EPM2A: variants seen among roughly 807,000 people sequenced by gnomAD.
EPM2A encodes the protein EPM2A glucan phosphatase, laforin, also known as laforin.
Under a neutral mutation model 26.5 loss-of-function variants are expected in EPM2A, and 21 were observed. That is an observed-to-expected ratio of 0.79 (90% CI 0.56 to 1.14). EPM2A has a LOEUF of 1.14. Among genes scored for constraint, EPM2A ranks in the 50% most tolerant of loss-of-function variants. The pLI, the probability that EPM2A is intolerant of heterozygous loss-of-function variation, is 0.00. For missense variants in EPM2A, 458 were observed against 440.8 expected, an observed-to-expected ratio of 1.04 and a Z score of -0.35; for synonymous variants, 217 against 177.6, an observed-to-expected ratio of 1.22 and a Z score of -1.76.
chr6:145,673,718 G>C (rs754841190), intron 2 of EPM2A, among the ~76,000 whole-genome samples: 2 of 152,148 alleles, frequency 1.3e-5, no homozygotes, highest in Admixed American at 1.3e-4. Flanking sequence ...CAGCCTGGTG[G>C]GGGGAGGGGA....
chr6:145,524,085 TC>T (rs1461344470), intron 2 of EPM2A, among the ~76,000 whole-genome samples: 1 of 152,230 alleles, frequency 6.6e-6, no homozygotes, highest in East Asian at 1.9e-4. Flanking sequence ...GATAATGGCC[TC>T]CAGCTACACC....
At chr6:145,598,120 T>C (rs1781372441) in intron 2 of EPM2A, among the ~76,000 whole-genome samples, 1 of 152,114 alleles carries the variant, frequency 6.6e-6, no homozygotes, top group Non-Finnish European at 1.5e-5. Flanking sequence ...CATGGTAGTT[T>C]TGTTTTTAGC....
At chr6:145,622,071 T>C (rs977327696), downstream of EPM2A, among the ~76,000 whole-genome samples, 4 of 152,210 alleles carry the variant, frequency 2.6e-5, no homozygotes, top group African/African-American at 9.6e-5. Context: ...TTCTACTGTT[T>C]CAGGACTCAT....
chr6:145,432,816 T>C (rs538568832), intron 4 of EPM2A, among the ~76,000 whole-genome samples: 2 of 152,320 alleles, frequency 1.3e-5, no homozygotes, highest in African/African-American at 4.8e-5. Flanking sequence ...TTGTTTAGTA[T>C]AGCCATGTTC....
chr6:145,567,969 C>T (rs1455842169), intron 2 of EPM2A, among the ~76,000 whole-genome samples: 1 of 152,198 alleles, frequency 6.6e-6, no homozygotes, highest in African/African-American at 2.4e-5. Context: ...TTGTTGCATA[C>T]TGTCCAGCCA....
intron 2 of EPM2A, 46 bp downstream of exon 2, chr6:145,686,076 A>G: frequency 6.5e-7 from 1 of 1,534,542 alleles, no homozygotes; most frequent in Non-Finnish European, 9.0e-7. Context: ...TGCTAATGCT[A>G]TCTCTTGTCC....
At chr6:145,516,779 C>A (rs1780133300) in intron 2 of EPM2A, among the ~76,000 whole-genome samples, 1 of 152,136 alleles carries the variant, frequency 6.6e-6, no homozygotes, top group African/African-American at 2.4e-5. Flanking sequence ...CAATGGAAAA[C>A]CATATGGCAT....
At chr6:145,574,183 TAATTCA>T (rs918587110) in intron 2 of EPM2A, among the ~76,000 whole-genome samples, 1 of 152,160 alleles carries the variant, frequency 6.6e-6, no homozygotes, top group Non-Finnish European at 1.5e-5. Context: ...TCTGATTTTA[TAATTCA>T]AATTACTCTC....
At chr6:145,463,922 T>C (rs1266255379) in intron 4 of EPM2A, among the ~76,000 whole-genome samples, 1 of 152,104 alleles carries the variant, frequency 6.6e-6, no homozygotes, top group Non-Finnish European at 1.5e-5. Context: ...AATCCCCACC[T>C]GGCAGGGGAA....
chr6:145,497,474 C>T (rs994556656), downstream of EPM2A, among the ~76,000 whole-genome samples: 10 of 152,164 alleles, frequency 6.6e-5, no homozygotes, highest in South Asian at 2.1e-4. Context: ...TGCAGGAGGT[C>T]GCTGGAGACC....
At chr6:145,496,728 A>ATTTTTTTTTTTT (rs1554244200), downstream of EPM2A, among the ~76,000 whole-genome samples, 7 of 106,908 alleles carry the variant, frequency 6.5e-5, no homozygotes, top group Non-Finnish European at 7.9e-5. Flanking sequence ...AGTTCCTGCA[A>ATTTTTTTTTTTT]TTTTTTTTTT....
intron 4 of EPM2A, among the ~76,000 whole-genome samples, chr6:145,468,587 G>T (rs1779430259): frequency 6.6e-6 from 1 of 151,958 alleles, no homozygotes; most frequent in Admixed American, 6.6e-5. Context: ...ATATGCAGAA[G>T]AATAAAACTA....
In EPM2A at chr6:145,626,385, T is replaced by G. The variant is rs763107324; in HGVS notation, c.*1031A>C. 3 of 986,048 alleles carry G rather than the reference T, an allele frequency of 3.0e-6. No homozygotes were observed. Among genetic ancestry groups the G allele is most frequent in the Non-Finnish European group, 2.4e-6 (2 of 830,062 alleles). The allele number at this position is 986,048 out of a possible 1,614,324, so 61.1% of individuals were successfully genotyped here. On this transcript the variant is annotated 3_prime_UTR_variant, in exon 4 of 4. Coordinates refer to ENST00000367519, the MANE Select transcript of EPM2A (RefSeq NM_005670.4). ...ATGGATTTGGTCATTTGGGCTCTTT[T>G]GGTAGTATAGTTCCTCTCATGAATT...
chr6:145,730,659 A>C (rs1776438360), intron 1 of EPM2A, among the ~76,000 whole-genome samples: 1 of 152,242 alleles, frequency 6.6e-6, no homozygotes, highest in African/African-American at 2.4e-5. Flanking sequence ...GTTTGGTTAC[A>C]TGAATTGATT....
At chr6:145,551,778 G>T in intron 2 of EPM2A, among the ~76,000 whole-genome samples, 1 of 151,132 alleles carries the variant, frequency 6.6e-6, no homozygotes, top group East Asian at 1.9e-4. Context: ...AAATCCAAAG[G>T]ATTCACACGA....
At chr6:145,683,915 T>C (rs1047745923) in intron 2 of EPM2A, among the ~76,000 whole-genome samples, 7 of 151,986 alleles carry the variant, frequency 4.6e-5, no homozygotes, top group African/African-American at 4.8e-5. Flanking sequence ...GAACAACTAA[T>C]AATCATGTTA....
chr6:145,482,865 C>CTTT (rs10668205), intron 4 of EPM2A, among the ~76,000 whole-genome samples: 5,945 of 147,462 alleles, frequency 0.04, 183 homozygotes, highest in African/African-American at 0.079. Context: ...TATAGCTATT[C>CTTT]TTTTTTTTTT....
intron 2 of EPM2A, among the ~76,000 whole-genome samples, chr6:145,530,138 A>G (rs1780333918): frequency 6.6e-6 from 1 of 152,170 alleles, no homozygotes; most frequent in African/African-American, 2.4e-5. Context: ...GCAGAGCTAC[A>G]GTAGCTGAGG....
At chr6:145,436,695 C>T (rs1778993649) in intron 4 of EPM2A, among the ~76,000 whole-genome samples, 1 of 152,076 alleles carries the variant, frequency 6.6e-6, no homozygotes, top group Non-Finnish European at 1.5e-5. Context: ...GTTATCTTCA[C>T]TTGTTCAATT....
Sources: gnomAD v4.1 joint callset for allele counts (sites outside exome capture counted in the v4.1 genomes callset) on GRCh38, gnomAD v4.1.1 for gene constraint, MANE v1.5 for transcripts, NCBI Gene and HGNC (gene_info 2026-07-23, HGNC 2026-07-21) for gene names.